The following MTUS1 variants were observed in gnomAD, a reference collection of about 807,000 sequenced individuals.
The protein encoded by MTUS1 is microtubule associated scaffold protein 1.
A neutral mutation model predicts 120.8 loss-of-function variants in MTUS1; 109 were observed. That is an observed-to-expected ratio of 0.90 (90% CI 0.77 to 1.06). The LOEUF (loss-of-function observed/expected upper bound fraction) is 1.06. MTUS1 is among the 50% of genes least tolerant of loss of function. MTUS1 has a pLI of 0.00. For missense variants in MTUS1, 2,210 were observed against 1,486.3 expected, an observed-to-expected ratio of 1.49 and a Z score of -8.01; for synonymous variants, 737 against 550.5, an observed-to-expected ratio of 1.34 and a Z score of -4.74.
intron 7 of MTUS1, among the ~76,000 whole-genome samples, chr8:17,678,295 T>C (rs1412433303): frequency 1.3e-5 from 2 of 152,220 alleles, no homozygotes; most frequent in African/African-American, 2.4e-5. Flanking sequence ...TGATAAACTC[T>C]TAACCGTCTA....
chr8:17,797,414 A>AAAAATAAAAT (rs764887030), intron 1 of MTUS1, among the ~76,000 whole-genome samples: 1 of 141,196 alleles, frequency 7.1e-6, no homozygotes, highest in Non-Finnish European at 1.5e-5. Flanking sequence ...TCCCGTCTCA[A>AAAAATAAAAT]AAAATAAAAT....
rs564367574 is a variant in MTUS1, at chr8:17,684,533, C to A, written c.2633G>T (p.Ser878Ile). 1.1e-5 allele frequency: 18 copies of A among 1,613,254 alleles called. No homozygotes were observed. The highest frequency in any genetic ancestry group is 1.5e-5 in the Non-Finnish European group (18 of 1,179,706). ...TAAGCTTCGAGGATTCTTTTGCCTG[C>A]TCTTTTCAACTGCAAAACGAATTAA... Reference protein sequence around the residue: ...LFTALNAVEKSRQKNPRSLCI... With the variant: ...LFTALNAVEKIRQKNPRSLCI... Residue 878 changes from serine to isoleucine, a missense_variant, in exon 7 of 15, where the codon AGC (serine) becomes ATC (isoleucine). Physicochemically the swap from Ser to Ile is moderately radical, Grantham distance 142. Coordinates refer to ENST00000693296, the MANE Select transcript of MTUS1 (RefSeq NM_001363059.2).
intron 7 of MTUS1, chr8:17,676,204 C>T (rs1184832858): frequency 1.4e-6 from 1 of 700,506 alleles, no homozygotes; most frequent in Non-Finnish European, 2.6e-6. Flanking sequence ...AGCATTTTCC[C>T]TGAATTCCAG....
intron 6 of MTUS1, among the ~76,000 whole-genome samples, chr8:17,702,516 T>A (rs1289138243): frequency 6.6e-6 from 1 of 152,174 alleles, no homozygotes; most frequent in Non-Finnish European, 1.5e-5. Flanking sequence ...CGCCCTTGCA[T>A]AACAAACCTT....
chr8:17,750,056 G>A (rs553367706), intron 2 of MTUS1, among the ~76,000 whole-genome samples: 4 of 152,192 alleles, frequency 2.6e-5, no homozygotes, highest in South Asian at 2.1e-4. Context: ...TCTAAAATCC[G>A]TGCTTGTAAA....
intron 3 of MTUS1, among the ~76,000 whole-genome samples, chr8:17,735,508 C>T (rs112030976): frequency 1.3e-4 from 20 of 152,214 alleles, no homozygotes; most frequent in Admixed American, 3.9e-4. Context: ...GACCCCGGGA[C>T]ACGTCTGCTC....
rs763962576 is a variant in MTUS1 at position 17,646,131 on chromosome 8, G to A, written c.3608C>T (p.Ser1203Phe). The A allele has an allele frequency of 1.2e-6, 2 of 1,609,260 alleles. No homozygotes were observed. Among genetic ancestry groups the A allele is most frequent in the Non-Finnish European group, 1.7e-6 (2 of 1,178,250 alleles). The change falls in exon 15 of 15, where the codon TCC becomes TTC. Residue 1203 changes from serine to phenylalanine, a missense_variant. Transcript: ENST00000693296. ...DKHMAISRQL[S>F]TEQAVLQESL... ...CTCTTGCAGAACAGCCTGCTCCGTG[G>A]AAAGCTGCCTTGAAGAAAAAGGCCA... is the stretch of plus-strand genomic sequence containing the variant.
intron 1 of MTUS1, among the ~76,000 whole-genome samples, chr8:17,794,227 C>T (rs2052032481): frequency 6.6e-6 from 1 of 152,052 alleles, no homozygotes; most frequent in Non-Finnish European, 1.5e-5. Flanking sequence ...ACTCAGAAAG[C>T]TGAGGCAGGA....
intron 2 of MTUS1, among the ~76,000 whole-genome samples, chr8:17,751,743 AG>A (rs1418518042): frequency 2.0e-5 from 3 of 151,572 alleles, no homozygotes; most frequent in Non-Finnish European, 4.4e-5. Flanking sequence ...CTGTAGTCCC[AG>A]CTACCTGGGA....
At chr8:17,685,806 A>T (rs925610687) in intron 6 of MTUS1, among the ~76,000 whole-genome samples, 1 of 152,214 alleles carries the variant, frequency 6.6e-6, no homozygotes, top group African/African-American at 2.4e-5. Flanking sequence ...CCATTGTCCC[A>T]CTGTGTCTCT....
Position 17,739,178 on chromosome 8 carries a change from A to G in MTUS1, c.2287+4426T>C, listed in dbSNP as rs149271923. Among the ~76,000 whole-genome samples the G allele has an allele frequency of 2.8e-3, 422 of 152,140 alleles. 3 individuals are homozygous for G. The highest frequency in any genetic ancestry group is 7.4e-3 in the East Asian group (38 of 5,166). ...AAACAGAAAACAAACAAACAAAAAA[A>G]CAAATTAGACTTTATTATTAAAAAT... On this transcript the variant is annotated intron_variant, in intron 3 of 14. Coordinates refer to ENST00000693296, the MANE Select transcript of MTUS1 (RefSeq NM_001363059.2).
At chr8:17,649,738 A>G (rs1337983157) in intron 13 of MTUS1, 108 bp downstream of exon 13, 6 of 677,388 alleles carry the variant, frequency 8.9e-6, no homozygotes, top group South Asian at 5.5e-5. Context: ...TAATTTCTAA[A>G]TATCTTTAGG....
In MTUS1 at chr8:17,675,173, A is replaced by C; in HGVS notation, c.2905+13T>G. The C allele has an allele frequency of 1.9e-6, 3 of 1,613,958 alleles. No individual in the cohort carries two copies. Among genetic ancestry groups the C allele is most frequent in the Non-Finnish European group, 2.5e-6 (3 of 1,179,846 alleles). Reference sequence around the variant, plus strand: ...TCCCATAAAATTTAACAACAACAACAAAAAGCTCTTACCTAGCTCTCCCCG... The same window carrying C: ...TCCCATAAAATTTAACAACAACAACCAAAAGCTCTTACCTAGCTCTCCCCG... On this transcript the variant is annotated intron_variant, in intron 8 of 14. Coordinates refer to ENST00000693296, the MANE Select transcript of MTUS1 (RefSeq NM_001363059.2).
chr8:17,768,003 A>C (rs1323337048), intron 1 of MTUS1, among the ~76,000 whole-genome samples: 2 of 152,254 alleles, frequency 1.3e-5, no homozygotes, highest in African/African-American at 4.8e-5. Flanking sequence ...CACGCTTAAA[A>C]GGCCACTGCT....
rs1809783830 is a variant in MTUS1 at position 17,661,850 on chromosome 8, T to C, written c.2906-5785A>G. On this transcript the variant is annotated intron_variant, in intron 8 of 14. Transcript: ENST00000693296. ...GTGCACAGACCTTTGCTCTGTTTACTGGCCCGGTGTGCTGCTGGGGAACAG... is the reference window on the plus strand; with the variant it reads ...GTGCACAGACCTTTGCTCTGTTTACCGGCCCGGTGTGCTGCTGGGGAACAG... Among the ~76,000 whole-genome samples, 2 of 152,344 alleles carry C rather than the reference T, an allele frequency of 1.3e-5. 1 individual carries two copies. Among genetic ancestry groups the C allele is most frequent in the South Asian group, 4.1e-4 (2 of 4,830 alleles).
At position 17,653,275 on chromosome 8, in the gene MTUS1, T is replaced by G; in HGVS notation, c.3295A>C (p.Ile1099Leu). The G allele has an allele frequency of 6.4e-7, 1 of 1,552,436 alleles. No individual in the cohort carries two copies. The highest frequency in any genetic ancestry group is 2.3e-5 in the East Asian group (1 of 44,088). ...TCATTTTCACTCTTCAGATCATTGA[T>G]TTGCTTCTAAAACACAATGAAATGT... ...SEKQESLEKQ[I>L]NDLKSENDAL... Residue 1099 changes from isoleucine (I) to leucine (L), a missense_variant, in exon 12 of 15, where the codon ATC (isoleucine) becomes CTC (leucine). By Grantham distance (5) the Ile-to-Leu change is conservative. Transcript: ENST00000693296.
chr8:17,753,953 T>C lies in MTUS1; in HGVS notation c.1855A>G (p.Ser619Gly), dbSNP rs762792352. ...KSNQEDVDKA[S>G]SSNSACETGS... is the part of the protein sequence containing the mutation. Reference sequence around the variant, plus strand: ...GTCTCGCATGCTGAGTTAGAAGAACTGGCTTTGTCAACATCTTCCTGATTC... The same window carrying C: ...GTCTCGCATGCTGAGTTAGAAGAACCGGCTTTGTCAACATCTTCCTGATTC... Residue 619 changes from serine to glycine, a missense_variant, in exon 2 of 15, where the codon AGT becomes GGT. Transcript: ENST00000693296. 1 of 1,614,198 alleles carries C rather than the reference T, an allele frequency of 6.2e-7. No individual in the cohort carries two copies. The highest frequency in any genetic ancestry group is 1.1e-5 in the South Asian group (1 of 91,084).
At chr8:17,753,516 AT>A (rs957881752) in intron 2 of MTUS1, among the ~76,000 whole-genome samples, 200 bp downstream of exon 2, 1 of 151,678 alleles carries the variant, frequency 6.6e-6, no homozygotes, top group Non-Finnish European at 1.5e-5. Context: ...GAAATTGAGG[AT>A]TTTTTTTTCC....
intron 10 of MTUS1, chr8:17,653,716 G>T: frequency 4.3e-6 from 2 of 467,606 alleles, no homozygotes; most frequent in Non-Finnish European, 7.5e-6. Context: ...AGAGCCCTGA[G>T]GCCCACTGAA....
Sources: allele counts gnomAD v4.1 joint callset (sites outside exome capture counted in the v4.1 genomes callset), GRCh38; gene constraint gnomAD v4.1.1; transcripts MANE v1.5; gene names NCBI Gene and HGNC (gene_info 2026-07-23, HGNC 2026-07-21).